The following ROCK1 variants were observed in gnomAD, a reference collection of about 807,000 sequenced individuals.
ROCK1 encodes Rho associated coiled-coil containing protein kinase 1, also known as rho-associated protein kinase 1.
Under a neutral mutation model 196.8 loss-of-function variants are expected in ROCK1, and 36 were observed. The observed-to-expected ratio is 0.18, with a 90% CI of 0.14 to 0.24. The LOEUF is 0.24. Ranked by LOEUF, ROCK1 falls within the 10% of genes least tolerant of loss-of-function variation. The pLI is 1.00. For missense variants in ROCK1, 920 were observed against 1,562.0 expected (o/e 0.59, Z 6.93); for synonymous variants, 443 against 515.9 (o/e 0.86, Z 1.91).
chr18:21,048,498 A>G (rs1287154412), intron 4 of ROCK1, among the ~76,000 whole-genome samples: 1 of 152,038 alleles, frequency 6.6e-6, no homozygotes, highest in African/African-American at 2.4e-5. Flanking sequence ...AGTTTTCTAT[A>G]TCTTCTGTAT....
chr18:21,036,003 G>A (rs1178965971), intron 9 of ROCK1, among the ~76,000 whole-genome samples: 1 of 152,178 alleles, frequency 6.6e-6, no homozygotes, highest in African/African-American at 2.4e-5. Flanking sequence ...CAATGTGAAT[G>A]TACTTAATGC....
chr18:20,987,487 A>C (rs1024753358), intron 18 of ROCK1, among the ~76,000 whole-genome samples: 3 of 152,174 alleles, frequency 2.0e-5, no homozygotes, highest in Admixed American at 1.3e-4. Context: ...ATTAATTTAT[A>C]CCCTGCATTG....
At chr18:20,961,177 C>T (rs2035322806) in intron 27 of ROCK1, among the ~76,000 whole-genome samples, 1 of 152,080 alleles carries the variant, frequency 6.6e-6, no homozygotes, top group East Asian at 1.9e-4. Flanking sequence ...TCCGTATCTA[C>T]CTTATATTTG....
intron 18 of ROCK1, 119 bp downstream of exon 18, chr18:20,991,057 G>T: frequency 1.3e-6 from 1 of 768,164 alleles, no homozygotes; most frequent in Non-Finnish European, 2.1e-6. Flanking sequence ...ACTGTGCCAG[G>T]CCTATAATTT....
At chr18:21,102,994 A>G (rs1468554715) in intron 1 of ROCK1, among the ~76,000 whole-genome samples, 9 of 152,298 alleles carry the variant, frequency 5.9e-5, no homozygotes, top group African/African-American at 2.2e-4. Context: ...TAACACAAGT[A>G]TAAGATAAAC....
At chr18:20,970,119 C>T (rs2035412447) in intron 23 of ROCK1, 1 of 360,494 alleles carries the variant, frequency 2.8e-6, no homozygotes, top group Non-Finnish European at 5.0e-6. Context: ...CCCAATATTG[C>T]ATTGGTTCTG....
At chr18:21,017,012 G>A (rs1266612247) in intron 12 of ROCK1, among the ~76,000 whole-genome samples, 1 of 151,638 alleles carries the variant, frequency 6.6e-6, no homozygotes, top group Non-Finnish European at 1.5e-5. Flanking sequence ...GGCCTTCACA[G>A]ATACTCACCT....
At chr18:20,993,798 T>C (rs2035646977) in intron 16 of ROCK1, among the ~76,000 whole-genome samples, 1 of 152,190 alleles carries the variant, frequency 6.6e-6, no homozygotes, top group Non-Finnish European at 1.5e-5. Context: ...GCATAAATAT[T>C]TAATAAACAC....
At chr18:21,048,461 C>T (rs573381397) in intron 4 of ROCK1, among the ~76,000 whole-genome samples, 3 of 152,114 alleles carry the variant, frequency 2.0e-5, no homozygotes, top group East Asian at 1.9e-4. Context: ...TAATAATATA[C>T]GACTTCCCTC....
rs2036381516 is a variant in ROCK1 at position 21,071,180 on chromosome 18, GCT to G, written c.94-569_94-568del. Among the ~76,000 whole-genome samples the G allele has an allele frequency of 3.8e-5, 4 of 105,310 alleles. No individual in the cohort carries two copies. In the Admixed American group the frequency reaches 5.7e-4, roughly 15 times the overall value. 69.1% of individuals were successfully genotyped at this position (105,310 alleles called of 152,430 possible). A position where few individuals can be genotyped will look rare whatever the true frequency, so the allele number is the denominator to read the frequency against. On this transcript the variant is annotated intron_variant, in intron 1 of 32. Transcript: ENST00000399799. Reference sequence around the variant, plus strand: ...ACACCTGAGCTTTTGCATTTTTTCTGCTTTTTTTTTTTTTTTTTTTGAGGGTC... The same window carrying G: ...ACACCTGAGCTTTTGCATTTTTTCTGTTTTTTTTTTTTTTTTTTGAGGGTC...
At chr18:20,957,224 C>T (rs1406901875) in intron 29 of ROCK1, among the ~76,000 whole-genome samples, 13 of 152,266 alleles carry the variant, frequency 8.5e-5, no homozygotes, top group Admixed American at 3.9e-4. Context: ...GTCTTATTTA[C>T]GATAGCCCCA....
intron 1 of ROCK1, among the ~76,000 whole-genome samples, chr18:21,086,329 C>G (rs1169982538): frequency 6.6e-6 from 1 of 152,102 alleles, no homozygotes; most frequent in Non-Finnish European, 1.5e-5. Flanking sequence ...ACAGGCTGGT[C>G]TCGAACTCCC....
intron 26 of ROCK1, 57 bp from the exon 27 acceptor site, chr18:20,967,133 C>T (rs1421254643): frequency 1.7e-6 from 2 of 1,179,732 alleles, no homozygotes; most frequent in Admixed American, 2.1e-5. Context: ...TCCAACATTA[C>T]TAATTGAAAT....
At chr18:20,959,084 ATTTTATATAATATAT>A (rs1568367363) in intron 29 of ROCK1, among the ~76,000 whole-genome samples, 51 of 36,432 alleles carry the variant, frequency 1.4e-3, no homozygotes, top group African/African-American at 8.2e-3. Flanking sequence ...TAATATATAT[ATTTTATATAATATAT>A]ATATTATATA....
At chr18:21,079,437 T>G (rs1397585946) in intron 1 of ROCK1, among the ~76,000 whole-genome samples, 1 of 152,232 alleles carries the variant, frequency 6.6e-6, no homozygotes, top group Non-Finnish European at 1.5e-5. Flanking sequence ...AATTTCTATA[T>G]ACCTATCAGG....
chr18:21,052,472 G>A (rs1197306550), intron 2 of ROCK1, among the ~76,000 whole-genome samples: 1 of 152,164 alleles, frequency 6.6e-6, no homozygotes, highest in Non-Finnish European at 1.5e-5. Flanking sequence ...CCTGAACTTT[G>A]TAGGCTTATG....
chr18:21,004,919 G>T (rs1489699093), intron 16 of ROCK1, among the ~76,000 whole-genome samples: 3 of 152,148 alleles, frequency 2.0e-5, no homozygotes, highest in African/African-American at 4.8e-5. Flanking sequence ...ACCAACAGGA[G>T]ATTGTATTTT....
At chr18:21,069,429 CTTTAGA>C (rs760917104) in intron 2 of ROCK1, among the ~76,000 whole-genome samples, 3 of 151,986 alleles carry the variant, frequency 2.0e-5, no homozygotes, top group Non-Finnish European at 4.4e-5. Flanking sequence ...AAACAGTTTA[CTTTAGA>C]TTTACACTTT....
chr18:21,017,603 A>G (rs2035875047), intron 12 of ROCK1, among the ~76,000 whole-genome samples: 3 of 152,204 alleles, frequency 2.0e-5, no homozygotes, highest in African/African-American at 4.8e-5. Context: ...AGCACATTAT[A>G]TGACACTTTA....
Sources: gnomAD v4.1 joint callset for allele counts (sites outside exome capture counted in the v4.1 genomes callset) on GRCh38, gnomAD v4.1.1 for gene constraint, MANE v1.5 for transcripts, NCBI Gene and HGNC (gene_info 2026-07-23, HGNC 2026-07-21) for gene names.